The following SLCO4C1 variants were observed in gnomAD, a reference collection of about 807,000 sequenced individuals.
SLCO4C1 encodes organic anion transporter M1.
Under a neutral mutation model 72.1 loss-of-function variants are expected in SLCO4C1, and 58 were observed. The ratio of observed to expected loss-of-function variants is 0.80; its 90% CI spans 0.65 to 1.00. The LOEUF (loss-of-function observed/expected upper bound fraction) is 1.00, where lower values mean the gene tolerates loss of function less well. Ranked by LOEUF, SLCO4C1 falls within the 50% of genes least tolerant of loss-of-function variation. The pLI is 0.00. For missense variants in SLCO4C1, 898 were observed against 857.9 expected (o/e 1.05, Z -0.58); for synonymous variants, 297 against 312.5 (o/e 0.95, Z 0.52).
At chr5:102,241,557 A>C (rs936935838) in intron 10 of SLCO4C1, among the ~76,000 whole-genome samples, 1 of 152,188 alleles carries the variant, frequency 6.6e-6, no homozygotes, top group African/African-American at 2.4e-5. Flanking sequence ...AAATACTTGT[A>C]CACTGAAAGC....
chr5:102,256,230 G>A (rs1310463973), intron 8 of SLCO4C1, among the ~76,000 whole-genome samples: 1 of 152,082 alleles, frequency 6.6e-6, no homozygotes, highest in Non-Finnish European at 1.5e-5. Context: ...AGAAAAAAAT[G>A]TGATGGAGCT....
chr5:102,251,974 T>G (rs1201558045), intron 8 of SLCO4C1, among the ~76,000 whole-genome samples: 3 of 141,434 alleles, frequency 2.1e-5, no homozygotes, highest in Admixed American at 7.4e-5. Flanking sequence ...GAGAGAGAAA[T>G]GGATAGAAGG....
chr5:102,273,641 C>T lies in SLCO4C1; in HGVS notation c.620-2835G>A, dbSNP rs186964281. 3.4e-3 allele frequency among the ~76,000 whole-genome samples: 515 copies of T among 152,174 alleles called. 2 individuals carry two copies. Among genetic ancestry groups the T allele is most frequent in the African/African-American group, 0.012 (494 of 41,518 alleles). The stretch of plus-strand genomic sequence containing the variant: ...ATAAAGACAAAGAAAAATATTTAAA[C>T]CTATATTATTTAAACCTATTAAATC... On this transcript the variant is annotated intron_variant, in intron 2 of 12. Transcript: ENST00000310954.
At chr5:102,261,610 C>T (rs192116077) in intron 5 of SLCO4C1, among the ~76,000 whole-genome samples, 17 of 151,850 alleles carry the variant, frequency 1.1e-4, no homozygotes, top group Middle Eastern at 3.4e-3. Flanking sequence ...GTTTAAAAGA[C>T]GTTGTACCTT....
chr5:102,263,886 A>G, intron 3 of SLCO4C1, 106 bp from the exon 4 acceptor site: 1 of 784,902 alleles, frequency 1.3e-6, no homozygotes. Context: ...AAACAATTAA[A>G]CATATCAAAA....
At chr5:102,253,290 T>G (rs1561369163) in intron 8 of SLCO4C1, among the ~76,000 whole-genome samples, 1 of 152,164 alleles carries the variant, frequency 6.6e-6, no homozygotes, top group Admixed American at 6.6e-5. Flanking sequence ...GCAATCGAAT[T>G]TAGTATTGTG....
At chr5:102,245,784 A>C (rs1291748963) in intron 10 of SLCO4C1, among the ~76,000 whole-genome samples, 2 of 152,208 alleles carry the variant, frequency 1.3e-5, no homozygotes, top group African/African-American at 4.8e-5. Flanking sequence ...GACTGACCAT[A>C]CGTTAGGTTA....
intron 11 of SLCO4C1, among the ~76,000 whole-genome samples, chr5:102,240,068 A>C (rs1748510838): frequency 6.6e-6 from 1 of 152,076 alleles, no homozygotes; most frequent in Admixed American, 6.6e-5. Flanking sequence ...AGAGTTAGGA[A>C]TCATTTTCCT....
chr5:102,280,701 C>A (rs1015204112), intron 2 of SLCO4C1, among the ~76,000 whole-genome samples: 1 of 151,984 alleles, frequency 6.6e-6, no homozygotes, highest in Non-Finnish European at 1.5e-5. Flanking sequence ...TGGTCGCAGG[C>A]GAGAGAGCAT....
intron 2 of SLCO4C1, among the ~76,000 whole-genome samples, chr5:102,284,462 C>T (rs1190143408): frequency 3.3e-5 from 5 of 152,170 alleles, no homozygotes; most frequent in African/African-American, 9.6e-5. Flanking sequence ...AGTGTGTTCA[C>T]TGCCTCATTT....
chr5:102,237,103 C>A (rs10074138), intron 12 of SLCO4C1, 85 bp from the exon 13 acceptor site: 113,046 of 1,302,630 alleles, frequency 0.087, 5,176 homozygotes, highest in African/African-American at 0.11. Flanking sequence ...ATGAATAGAA[C>A]ATTTTTAAAG....
At chr5:102,287,534 C>CTTCTTTT (rs1749477067) in intron 2 of SLCO4C1, among the ~76,000 whole-genome samples, 3 of 79,970 alleles carry the variant, frequency 3.8e-5, no homozygotes, top group African/African-American at 1.6e-4. Context: ...TTTTTCACTT[C>CTTCTTTT]TTTTTTTTTT....
At chr5:102,281,776 A>G (rs1468366855) in intron 2 of SLCO4C1, among the ~76,000 whole-genome samples, 2 of 152,164 alleles carry the variant, frequency 1.3e-5, no homozygotes, top group Non-Finnish European at 2.9e-5. Context: ...AAGGATTCAA[A>G]TAAACCGAGT....
Position 102,291,989 on chromosome 5 carries a change from T to A in SLCO4C1, c.356-383A>T, listed in dbSNP as rs549125494. Among the ~76,000 whole-genome samples, 22 of 152,108 alleles carry A rather than the reference T, an allele frequency of 1.4e-4. No homozygotes were observed. The South Asian group carries it at 3.1e-3, about 22-fold the overall frequency. On this transcript the variant is annotated intron_variant, in intron 1 of 12. Transcript: ENST00000310954. ...CGCATGCACCACCACACCTGGCTAA[T>A]TTTTTGTATCTTGTTAGTAGAGATG...
intron 8 of SLCO4C1, among the ~76,000 whole-genome samples, chr5:102,254,405 T>C (rs900391713): frequency 6.6e-6 from 1 of 152,196 alleles, no homozygotes; most frequent in Non-Finnish European, 1.5e-5. Flanking sequence ...AATTTCAAAC[T>C]TTTTCATTAT....
At chr5:102,245,222 C>T (rs1748615114) in intron 10 of SLCO4C1, among the ~76,000 whole-genome samples, 1 of 152,028 alleles carries the variant, frequency 6.6e-6, no homozygotes, top group Non-Finnish European at 1.5e-5. Context: ...TCTAAAAGAA[C>T]TAAACTCTCT....
intron 2 of SLCO4C1, among the ~76,000 whole-genome samples, chr5:102,285,626 A>G (rs1052166932): frequency 2.4e-4 from 36 of 152,326 alleles, no homozygotes; most frequent in African/African-American, 7.2e-4. Flanking sequence ...GAAAGACTGA[A>G]AAGCCTCTGA....
Position 102,240,706 on chromosome 5 carries a change from A to C in SLCO4C1, c.1876+12T>G. 6.2e-7 allele frequency: 1 copy of C among 1,607,188 alleles called. No individual in the cohort carries two copies. Among genetic ancestry groups the C allele is most frequent in the Non-Finnish European group, 8.5e-7 (1 of 1,175,876 alleles). ...GCCAACAGTTAGCAATGAATAAAGA[A>C]AAATGGCATACCTAATAATCGAAGG... On this transcript the variant is annotated intron_variant, in intron 11 of 12. Transcript: ENST00000310954.
At chr5:102,246,277 A>T (rs185224932) in intron 10 of SLCO4C1, among the ~76,000 whole-genome samples, 13 of 152,178 alleles carry the variant, frequency 8.5e-5, no homozygotes, top group African/African-American at 2.9e-4. Flanking sequence ...TAAGAAAAAA[A>T]GGAGAAGATG....
Sources: gnomAD v4.1 joint callset for allele counts (sites outside exome capture counted in the v4.1 genomes callset) on GRCh38, gnomAD v4.1.1 for gene constraint, MANE v1.5 for transcripts, NCBI Gene and HGNC (gene_info 2026-07-23, HGNC 2026-07-21) for gene names.